GMPR: variants seen among roughly 807,000 people sequenced by gnomAD.
The protein encoded by GMPR is GMP reductase 1.
GMPR carries 31 observed loss-of-function variants against 38.4 expected under a neutral mutation model. The observed-to-expected ratio is 0.81, with a 90% CI of 0.61 to 1.09. The LOEUF is 1.09. Ranked by LOEUF, GMPR falls within the 50% of genes least tolerant of loss-of-function variation. The pLI, the probability that GMPR is intolerant of heterozygous loss-of-function variation, is 0.00. For synonymous variants in GMPR, 162 were observed against 173.3 expected (o/e 0.93, Z 0.51); for missense variants, 468 against 453.7 (o/e 1.03, Z -0.29).
rs144561597 is a variant in GMPR at position 16,252,534 on chromosome 6, G to A, written c.292-2028G>A. 6.6e-5 allele frequency among the ~76,000 whole-genome samples: 10 copies of A among 152,210 alleles called. No individual in the cohort carries two copies. The East Asian group carries it at 1.7e-3, about 26-fold the overall frequency. ...ATTATAGGCATGAGCCACCATGCCCGGCCTCCCTCCACCTTCTTTAAGGGA... is the reference window on the plus strand; with the variant it reads ...ATTATAGGCATGAGCCACCATGCCCAGCCTCCCTCCACCTTCTTTAAGGGA... On this transcript the variant is annotated intron_variant, in intron 3 of 8. Transcript: ENST00000259727.
intron 8 of GMPR, among the ~76,000 whole-genome samples, chr6:16,292,157 C>T (rs1759851323): frequency 1.3e-5 from 2 of 152,102 alleles, no homozygotes; most frequent in Admixed American, 6.5e-5. Context: ...CTAAGCCCTC[C>T]CTGACTGACA....
At chr6:16,263,568 G>A (rs569607950) in intron 4 of GMPR, among the ~76,000 whole-genome samples, 19 of 151,684 alleles carry the variant, frequency 1.3e-4, no homozygotes, top group African/African-American at 4.1e-4. Context: ...AAAGGGGTTG[G>A]GGCGTGGAAA....
chr6:16,241,213 C>T (rs113495187), intron 1 of GMPR, among the ~76,000 whole-genome samples: 13 of 152,092 alleles, frequency 8.5e-5, no homozygotes, highest in African/African-American at 2.7e-4. Context: ...GGAAAGAGAA[C>T]GTACACCCTG....
chr6:16,273,370 C>A (rs1391646208), intron 4 of GMPR, among the ~76,000 whole-genome samples: 2 of 152,178 alleles, frequency 1.3e-5, no homozygotes, highest in Non-Finnish European at 2.9e-5. Context: ...TGCCAAGTAT[C>A]CTATATACTG....
In GMPR at chr6:16,261,067, C is replaced by T. The variant is rs1425418856; in HGVS notation, c.465+6332C>T. Among the ~76,000 whole-genome samples, 3 of 151,840 alleles carry T rather than the reference C, an allele frequency of 2.0e-5. 1 individual carries two copies. The highest frequency in any genetic ancestry group is 4.8e-5 in the African/African-American group (2 of 41,264). The stretch of plus-strand genomic sequence containing the variant: ...AGGGCCTCTAAAAGTATTAGGACGG[C>T]GGCAGCCGCTGCACGGAGACATGAT... On this transcript the variant is annotated intron_variant, in intron 4 of 8. Transcript: ENST00000259727.
chr6:16,244,026 G>C lies in GMPR; in HGVS notation c.88-2816G>C, dbSNP rs192397232. On this transcript the variant is annotated intron_variant, in intron 1 of 8. Coordinates refer to ENST00000259727, the MANE Select transcript of GMPR (RefSeq NM_006877.4). ...TAAGGATTTGGGTGAGAAGGGAAGA[G>C]GGGTGGACTGGGGGCCAGGGCCGGC... Among the ~76,000 whole-genome samples, 8 of 152,270 alleles carry C rather than the reference G, an allele frequency of 5.3e-5. 1 individual carries two copies. Among genetic ancestry groups the C allele is most frequent in the African/African-American group, 1.9e-4 (8 of 41,554 alleles).
At chr6:16,243,349 G>A (rs1194292349) in intron 1 of GMPR, among the ~76,000 whole-genome samples, 3 of 152,120 alleles carry the variant, frequency 2.0e-5, no homozygotes, top group Admixed American at 6.5e-5. Context: ...GGAACCCTGC[G>A]GCTCTCTGGT....
chr6:16,293,168 G>T (rs908334926), intron 8 of GMPR, among the ~76,000 whole-genome samples: 1 of 152,150 alleles, frequency 6.6e-6, no homozygotes, highest in Non-Finnish European at 1.5e-5. Flanking sequence ...CGCTGTGCCC[G>T]GGAGGCAAAG....
In GMPR at chr6:16,261,064, C is replaced by T. The variant is rs912633511; in HGVS notation, c.465+6329C>T. 2.0e-4 allele frequency among the ~76,000 whole-genome samples: 30 copies of T among 151,786 alleles called. 1 individual carries two copies. The highest frequency in any genetic ancestry group is 5.6e-4 in the African/African-American group (23 of 41,258). ...TTGAGGGCCTCTAAAAGTATTAGGACGGCGGCAGCCGCTGCACGGAGACAT... is the reference window on the plus strand; with the variant it reads ...TTGAGGGCCTCTAAAAGTATTAGGATGGCGGCAGCCGCTGCACGGAGACAT... On this transcript the variant is annotated intron_variant, in intron 4 of 8. Coordinates refer to ENST00000259727, the MANE Select transcript of GMPR (RefSeq NM_006877.4).
At chr6:16,244,580 A>T (rs1400779206) in intron 1 of GMPR, among the ~76,000 whole-genome samples, 1 of 152,110 alleles carries the variant, frequency 6.6e-6, no homozygotes, top group African/African-American at 2.4e-5. Context: ...GTTAGAGAGC[A>T]GCAGAGATGT....
intron 6 of GMPR, among the ~76,000 whole-genome samples, chr6:16,281,058 G>C (rs1328884649): frequency 6.6e-6 from 1 of 152,144 alleles, no homozygotes; most frequent in Non-Finnish European, 1.5e-5. Context: ...AATCAACTTA[G>C]CATCTCTTTA....
chr6:16,243,575 C>T (rs1758694246), intron 1 of GMPR, among the ~76,000 whole-genome samples: 1 of 152,206 alleles, frequency 6.6e-6, no homozygotes, highest in Non-Finnish European at 1.5e-5. Flanking sequence ...TCCCTGTACT[C>T]AGACAGGTGT....
At chr6:16,281,181 C>T (rs1449950866) in intron 6 of GMPR, among the ~76,000 whole-genome samples, 2 of 152,190 alleles carry the variant, frequency 1.3e-5, no homozygotes, top group African/African-American at 4.8e-5. Flanking sequence ...GCCCCACCAT[C>T]GACGTGACCT....
At chr6:16,265,951 G>T (rs956355239) in intron 4 of GMPR, among the ~76,000 whole-genome samples, 22 of 152,234 alleles carry the variant, frequency 1.4e-4, no homozygotes, top group Admixed American at 1.2e-3. Flanking sequence ...GAAGCCACCC[G>T]CCGGGAGAAA....
Position 16,246,980 on chromosome 6 carries a change from G to GT in GMPR, c.207+25dup, listed in dbSNP as rs143425054. ...GTCACAGGTGAGGCGGTAGGCTTTTGTTTTTTCCCTTTGCTGCTCACACTG... is the reference window on the plus strand; with the variant it reads ...GTCACAGGTGAGGCGGTAGGCTTTTGTTTTTTTCCCTTTGCTGCTCACACTG... On this transcript the variant is annotated intron_variant, in intron 2 of 8. Transcript: ENST00000259727. 2 of 1,610,658 alleles carry GT rather than the reference G, an allele frequency of 1.2e-6. No individual in the cohort carries two copies. The highest frequency in any genetic ancestry group is 1.3e-5 in the African/African-American group (1 of 74,618).
At chr6:16,286,206 G>T (rs1474437152) in intron 7 of GMPR, among the ~76,000 whole-genome samples, 1 of 152,150 alleles carries the variant, frequency 6.6e-6, no homozygotes, top group Non-Finnish European at 1.5e-5. Context: ...GGAAGGGACA[G>T]GAGGAATCCC....
chr6:16,278,762 G>C, intron 5 of GMPR, 22 bp from the exon 6 acceptor site: 1 of 1,540,488 alleles, frequency 6.5e-7, no homozygotes. Context: ...TCTATTTGGG[G>C]ACAACTTCTT....
intron 4 of GMPR, among the ~76,000 whole-genome samples, chr6:16,273,625 C>G (rs1759424094): frequency 6.6e-6 from 1 of 152,108 alleles, no homozygotes; most frequent in Non-Finnish European, 1.5e-5. Context: ...ATGGGAATCC[C>G]AGCCCTAGAG....
At position 16,295,377 on chromosome 6, in the gene GMPR, G is replaced by A; in HGVS notation, c.*191G>A. 2.2e-6 allele frequency: 1 copy of A among 460,108 alleles called. No individual in the cohort carries two copies. Among genetic ancestry groups the A allele is most frequent in the Non-Finnish European group, 3.7e-6 (1 of 267,574 alleles). The allele number at this position is 460,108 out of a possible 1,614,324, so 28.5% of individuals were successfully genotyped here. A position where few individuals can be genotyped will look rare whatever the true frequency, so the allele number is the denominator to read the frequency against. On this transcript the variant is annotated 3_prime_UTR_variant, in exon 9 of 9. Coordinates refer to ENST00000259727, the MANE Select transcript of GMPR (RefSeq NM_006877.4). Reference sequence around the variant, plus strand: ...TGCCTTCTCGGGGCCCAGACGCAAGGCACCGATTGGGCCAACATCAGAGCC... The same window carrying A: ...TGCCTTCTCGGGGCCCAGACGCAAGACACCGATTGGGCCAACATCAGAGCC...
Sources: allele counts gnomAD v4.1 joint callset (sites outside exome capture counted in the v4.1 genomes callset), GRCh38; gene constraint gnomAD v4.1.1; transcripts MANE v1.5; gene names NCBI Gene and HGNC (gene_info 2026-07-23, HGNC 2026-07-21).